The following GRIP1 variants were observed in gnomAD, a reference collection of about 807,000 sequenced individuals.
The protein encoded by GRIP1 is glutamate receptor-interacting protein 1.
A neutral mutation model predicts 129.9 loss-of-function variants in GRIP1; 45 were observed. The ratio of observed to expected loss-of-function variants is 0.35; its 90% CI spans 0.27 to 0.44. GRIP1 has a LOEUF of 0.44. GRIP1 is among the 20% of genes least tolerant of loss of function. The probability of loss-of-function intolerance (pLI) is 1.00; values close to 1 mark genes in which losing one functional copy is unlikely to be tolerated. For synonymous variants in GRIP1, 530 were observed against 520.8 expected (o/e 1.02, Z -0.24); for missense variants, 1,196 against 1,396.8 (o/e 0.86, Z 2.29).
intron 5 of GRIP1, among the ~76,000 whole-genome samples, chr12:66,524,750 T>C (rs1183551551): frequency 1.3e-5 from 2 of 152,148 alleles, no homozygotes; most frequent in African/African-American, 2.4e-5. Flanking sequence ...AGCTGGTTTT[T>C]TGAAAAGATC....
intron 1 of GRIP1, among the ~76,000 whole-genome samples, chr12:67,055,617 T>C (rs1460130300): frequency 6.6e-6 from 1 of 152,224 alleles, no homozygotes; most frequent in Non-Finnish European, 1.5e-5. Context: ...TTTACCATAT[T>C]AGAAATTAAA....
chr12:66,814,220 C>A (rs928075432), intron 1 of GRIP1, among the ~76,000 whole-genome samples: 12 of 152,012 alleles, frequency 7.9e-5, no homozygotes, highest in African/African-American at 2.4e-4. Context: ...ACTCTCTGTA[C>A]CCCATTTCCT....
chr12:66,563,878 C>G (rs999090677), intron 2 of GRIP1: 3 of 152,402 alleles, frequency 2.0e-5, no homozygotes, highest in Non-Finnish European at 2.9e-5. Context: ...TGAACAGGTT[C>G]TCCCAAAGGG....
intron 14 of GRIP1, among the ~76,000 whole-genome samples, chr12:66,429,715 AATAAT>A (rs759263978): frequency 1.2e-4 from 18 of 152,254 alleles, no homozygotes; most frequent in East Asian, 9.7e-4. Context: ...AACATAAATA[AATAAT>A]ATAATATTTC....
chr12:66,628,359 C>T (rs1592670361), intron 1 of GRIP1, among the ~76,000 whole-genome samples: 1 of 151,976 alleles, frequency 6.6e-6, no homozygotes, highest in East Asian at 1.9e-4. Flanking sequence ...AAGCAGGGGT[C>T]TGAACAGGAC....
intron 15 of GRIP1, among the ~76,000 whole-genome samples, chr12:66,418,136 T>C (rs993593340): frequency 1.3e-5 from 2 of 152,198 alleles, no homozygotes; most frequent in East Asian, 3.9e-4. Flanking sequence ...CAAATCCACA[T>C]GCCTACAGTG....
At chr12:66,519,938 T>C (rs1416140870) in intron 5 of GRIP1, among the ~76,000 whole-genome samples, 1 of 152,206 alleles carries the variant, frequency 6.6e-6, no homozygotes, top group Non-Finnish European at 1.5e-5. Flanking sequence ...TTGCATTAAC[T>C]GAAATTTAAC....
At chr12:66,904,539 C>T (rs1395964698) in intron 1 of GRIP1, among the ~76,000 whole-genome samples, 1 of 151,782 alleles carries the variant, frequency 6.6e-6, no homozygotes, top group Non-Finnish European at 1.5e-5. Flanking sequence ...TTGGGGAGTT[C>T]ATCATATATT....
intron 1 of GRIP1, among the ~76,000 whole-genome samples, chr12:66,899,929 C>T (rs1412704226): frequency 6.6e-6 from 1 of 152,012 alleles, no homozygotes; most frequent in Non-Finnish European, 1.5e-5. Context: ...CAGGCAGGCA[C>T]TTCCTGCCTG....
chr12:66,883,006 G>A (rs1212669682), intron 1 of GRIP1, among the ~76,000 whole-genome samples: 1 of 152,064 alleles, frequency 6.6e-6, no homozygotes, highest in Admixed American at 6.6e-5. Flanking sequence ...GGGAGGAAAG[G>A]TCTTTCCCTC....
upstream of GRIP1, among the ~76,000 whole-genome samples, chr12:66,683,045 C>T (rs2034644983): frequency 6.6e-6 from 1 of 151,914 alleles, no homozygotes. Context: ...ATACTGATCC[C>T]CACACCCCCT....
chr12:66,964,172 A>G (rs955754507), intron 1 of GRIP1, among the ~76,000 whole-genome samples: 1 of 152,142 alleles, frequency 6.6e-6, no homozygotes, highest in Non-Finnish European at 1.5e-5. Flanking sequence ...TTTTCTAAAG[A>G]ATAAATCATG....
intron 1 of GRIP1, among the ~76,000 whole-genome samples, chr12:67,003,811 C>T (rs1016834850): frequency 1.3e-5 from 2 of 152,154 alleles, no homozygotes; most frequent in Non-Finnish European, 2.9e-5. Flanking sequence ...AGAAAATAGA[C>T]ATGCATTAAT....
chr12:66,898,596 T>C (rs2040791749), intron 1 of GRIP1, among the ~76,000 whole-genome samples: 1 of 152,194 alleles, frequency 6.6e-6, no homozygotes, highest in Non-Finnish European at 1.5e-5. Flanking sequence ...CCTCTTATCA[T>C]GAAGAGCCTA....
At chr12:66,775,068 G>A (rs1346224247) in intron 1 of GRIP1, among the ~76,000 whole-genome samples, 1 of 152,158 alleles carries the variant, frequency 6.6e-6, no homozygotes, top group African/African-American at 2.4e-5. Flanking sequence ...CCAGCACTCT[G>A]AAGGCCATAA....
At chr12:66,613,259 C>G (rs1283430158) in intron 1 of GRIP1, among the ~76,000 whole-genome samples, 2 of 152,104 alleles carry the variant, frequency 1.3e-5, no homozygotes, top group African/African-American at 4.8e-5. Flanking sequence ...AACTAATGCT[C>G]CTTATAAAGG....
chr12:66,475,579 TAAA>T (rs2059580882), intron 7 of GRIP1, among the ~76,000 whole-genome samples: 1 of 152,172 alleles, frequency 6.6e-6, no homozygotes, highest in Non-Finnish European at 1.5e-5. Context: ...TAGTTGGAAG[TAAA>T]GCACTCCTCA....
At chr12:66,864,000 T>C (rs913848083) in intron 1 of GRIP1, among the ~76,000 whole-genome samples, 3 of 152,022 alleles carry the variant, frequency 2.0e-5, no homozygotes, top group Non-Finnish European at 2.9e-5. Flanking sequence ...AAACTGCTGT[T>C]TCTTTCAACT....
intron 1 of GRIP1, among the ~76,000 whole-genome samples, chr12:66,962,892 C>T (rs1341751223): frequency 6.6e-6 from 1 of 152,110 alleles, no homozygotes; most frequent in Non-Finnish European, 1.5e-5. Context: ...TATTCAAAAA[C>T]ATAGCATTAA....
Sources: gnomAD v4.1 joint callset for allele counts (sites outside exome capture counted in the v4.1 genomes callset) on GRCh38, gnomAD v4.1.1 for gene constraint, MANE v1.5 for transcripts, NCBI Gene and HGNC (gene_info 2026-07-23, HGNC 2026-07-21) for gene names.